The following ADGRA3 variants were observed in gnomAD, a reference collection of about 807,000 sequenced individuals.
The protein encoded by ADGRA3 is adhesion G protein-coupled receptor A3.
ADGRA3 carries 56 observed loss-of-function variants against 119.8 expected under a neutral mutation model. The observed-to-expected ratio is 0.47, with a 90% CI of 0.38 to 0.58. ADGRA3 has a LOEUF of 0.58. Among genes scored for constraint, ADGRA3 ranks in the 20% least tolerant of loss-of-function variants. The pLI is 0.00. For missense variants in ADGRA3, 1,516 were observed against 1,649.0 expected (o/e 0.92, Z 1.40); for synonymous variants, 607 against 623.8 (o/e 0.97, Z 0.40).
At chr4:22,420,577 T>C in intron 12 of ADGRA3, 1 of 438,118 alleles carries the variant, frequency 2.3e-6, no homozygotes, top group South Asian at 4.6e-5. Flanking sequence ...ATAAATAAAC[T>C]TTTAAGTCAA....
At chr4:22,413,456 T>C (rs564504929) in intron 13 of ADGRA3, 66 bp from the exon 14 acceptor site, 8 of 1,437,692 alleles carry the variant, frequency 5.6e-6, no homozygotes, top group Non-Finnish European at 6.8e-6. Context: ...AATGTCAACT[T>C]CTACAGTAAT....
intron 18 of ADGRA3, 42 bp from the exon 19 acceptor site, chr4:22,388,989 CA>C: frequency 6.2e-7 from 1 of 1,604,518 alleles, no homozygotes. Context: ...CTACATGTTT[CA>C]ACAAATTATC....
At chr4:22,457,040 C>T (rs1717263799) in intron 3 of ADGRA3, among the ~76,000 whole-genome samples, 1 of 152,150 alleles carries the variant, frequency 6.6e-6, no homozygotes, top group Non-Finnish European at 1.5e-5. Context: ...TATTTATAAT[C>T]TTGTCTCAAT....
At chr4:22,413,550 A>C in intron 13 of ADGRA3, 51 bp downstream of exon 13, 1 of 1,517,830 alleles carries the variant, frequency 6.6e-7, no homozygotes, top group Non-Finnish European at 9.1e-7. Flanking sequence ...ACAGTCAACT[A>C]CAAGGCCTTA....
Position 22,470,840 on chromosome 4 carries a change from C to T in ADGRA3, c.329+2932G>A, listed in dbSNP as rs943459459. On this transcript the variant is annotated intron_variant, in intron 2 of 18. Transcript: ENST00000334304. ...GTCCAACAAGGTGAGCTGCTGAAGA[C>T]GTTACCACTGAGGTACCTGAGACTC... 7.2e-5 allele frequency among the ~76,000 whole-genome samples: 11 copies of T among 152,288 alleles called. No individual in the cohort carries two copies. The East Asian group carries it at 1.4e-3, about 19-fold the overall frequency.
At position 22,499,347 on chromosome 4, in the gene ADGRA3, C is replaced by T. The variant is rs148130381; in HGVS notation, c.257+16181G>A. ...AGCCTAGTTCAAAAACCTCGTTTTA[C>T]TAGTCAGGAAAGTGAAGGCCAGAAA... On this transcript the variant is annotated intron_variant, in intron 1 of 18. Transcript: ENST00000334304. Among the ~76,000 whole-genome samples the T allele has an allele frequency of 4.4e-3, 672 of 152,304 alleles. 1 individual carries two copies. Among genetic ancestry groups the T allele is most frequent in the Non-Finnish European group, 7.5e-3 (512 of 68,034 alleles).
chr4:22,466,030 C>T (rs1038723161), intron 2 of ADGRA3, among the ~76,000 whole-genome samples: 15 of 152,166 alleles, frequency 9.9e-5, no homozygotes, highest in African/African-American at 3.1e-4. Flanking sequence ...CACCTGTGTC[C>T]GATTCTCCAT....
chr4:22,496,302 A>C (rs949747187), intron 1 of ADGRA3, among the ~76,000 whole-genome samples: 10 of 152,162 alleles, frequency 6.6e-5, no homozygotes, highest in African/African-American at 2.4e-4. Flanking sequence ...AGGGAACTTA[A>C]TGAGCTTCTG....
chr4:22,489,748 G>A (rs1295616853), intron 1 of ADGRA3, among the ~76,000 whole-genome samples: 1 of 152,088 alleles, frequency 6.6e-6, no homozygotes, highest in Non-Finnish European at 1.5e-5. Flanking sequence ...TTGGTGAATG[G>A]GGGAGAGTTC....
At chr4:22,391,887 A>C (rs926808715) in intron 17 of ADGRA3, among the ~76,000 whole-genome samples, 4 of 151,506 alleles carry the variant, frequency 2.6e-5, no homozygotes, top group Admixed American at 6.6e-5. Flanking sequence ...CCGCCCCCAA[A>C]ATTAATGGCT....
At chr4:22,468,195 C>T (rs562867295) in intron 2 of ADGRA3, among the ~76,000 whole-genome samples, 1 of 152,286 alleles carries the variant, frequency 6.6e-6, no homozygotes, top group Admixed American at 6.5e-5. Context: ...ACTTTCTTCT[C>T]GTACCTCTCC....
At chr4:22,479,903 C>A (rs1204142211) in intron 1 of ADGRA3, among the ~76,000 whole-genome samples, 2 of 152,090 alleles carry the variant, frequency 1.3e-5, no homozygotes, top group East Asian at 1.9e-4. Flanking sequence ...GAACAGAAAA[C>A]CAAATACCTC....
At chr4:22,467,915 A>G (rs2109111914) in intron 2 of ADGRA3, among the ~76,000 whole-genome samples, 1 of 152,334 alleles carries the variant, frequency 6.6e-6, no homozygotes, top group East Asian at 1.9e-4. Context: ...GTTCTTGGTA[A>G]AAGAACTACC....
chr4:22,456,236 G>A (rs554917944), intron 3 of ADGRA3, among the ~76,000 whole-genome samples: 1 of 152,198 alleles, frequency 6.6e-6, no homozygotes, highest in African/African-American at 2.4e-5. Flanking sequence ...TTAATTTTAG[G>A]TGTCAACTTC....
chr4:22,402,669 T>G lies in ADGRA3; in HGVS notation c.2357+6A>C. 1 of 1,610,244 alleles carries G rather than the reference T, an allele frequency of 6.2e-7. No homozygotes were observed. Among genetic ancestry groups the G allele is most frequent in the Non-Finnish European group, 8.5e-7 (1 of 1,178,878 alleles). The stretch of plus-strand genomic sequence containing the variant: ...CAGATCTATTTTGTCGAGATGTATT[T>G]CTTACCTGTGATGGTATATGTAACT... On this transcript the variant is annotated splice_donor_region_variant and intron_variant, in intron 15 of 18. Transcript: ENST00000334304.
intron 1 of ADGRA3, among the ~76,000 whole-genome samples, chr4:22,509,878 C>T (rs1278119501): frequency 2.0e-5 from 3 of 151,806 alleles, no homozygotes; most frequent in Non-Finnish European, 2.9e-5. Flanking sequence ...GGCGTGGTAG[C>T]GGGCGCCTGT....
At chr4:22,421,708 A>G (rs978274122) in intron 11 of ADGRA3, among the ~76,000 whole-genome samples, 2 of 151,850 alleles carry the variant, frequency 1.3e-5, no homozygotes, top group Non-Finnish European at 2.9e-5. Context: ...GTGAAGCTCC[A>G]TCTCTACTAA....
chr4:22,501,562 C>G (rs548425035), intron 1 of ADGRA3, among the ~76,000 whole-genome samples: 29 of 152,228 alleles, frequency 1.9e-4, no homozygotes, highest in African/African-American at 6.7e-4. Flanking sequence ...TTACCAGTCA[C>G]GGAGGGAGCC....
At chr4:22,485,874 C>G (rs145788317) in intron 1 of ADGRA3, among the ~76,000 whole-genome samples, 96 of 152,324 alleles carry the variant, frequency 6.3e-4, no homozygotes, top group African/African-American at 2.2e-3. Flanking sequence ...CCACTATCCC[C>G]TCAGAGCCAG....
Sources: gnomAD v4.1 joint callset for allele counts (sites outside exome capture counted in the v4.1 genomes callset) on GRCh38, gnomAD v4.1.1 for gene constraint, MANE v1.5 for transcripts, NCBI Gene and HGNC (gene_info 2026-07-23, HGNC 2026-07-21) for gene names.